The following SGIP1 variants were observed in gnomAD, a reference collection of about 807,000 sequenced individuals.
The protein encoded by SGIP1 is SH3GL interacting endocytic adaptor 1.
In SGIP1, 38 loss-of-function variants were observed where a neutral mutation model predicts 107.5. The ratio of observed to expected loss-of-function variants is 0.35; its 90% CI spans 0.27 to 0.46. The LOEUF is 0.46. SGIP1 is among the 20% of genes least tolerant of loss of function. SGIP1 has a pLI of 1.00. For synonymous variants in SGIP1, 365 were observed against 366.1 expected (o/e 1.00, Z 0.03); for missense variants, 929 against 1,019.5 (o/e 0.91, Z 1.21).
At position 66,682,355 on chromosome 1, in the gene SGIP1, C is replaced by G. The variant is rs139418191; in HGVS notation, c.1301C>G (p.Pro434Arg). The G allele has an allele frequency of 6.2e-7, 1 of 1,610,990 alleles. No homozygotes were observed. The highest frequency in any genetic ancestry group is 8.5e-7 in the Non-Finnish European group (1 of 1,179,126). The change falls in exon 15 of 25, where the codon CCG becomes CGG. Residue 434 changes from proline (P) to arginine (R), a missense_variant. Physicochemically the swap from Pro to Arg is moderately radical, Grantham distance 103. Coordinates refer to ENST00000371037, the MANE Select transcript of SGIP1 (RefSeq NM_032291.4). ...CCCGGACCTGGCTCGGGCCCTGGTC[C>G]GGGGACCACCAGTGGTATGTCTTAT... ...SSPGPGSGPG[P>R]GTTSGASSPA...
At chr1:66,701,896 A>G (rs180800494) in intron 18 of SGIP1, among the ~76,000 whole-genome samples, 2 of 152,230 alleles carry the variant, frequency 1.3e-5, no homozygotes, top group African/African-American at 2.4e-5. Flanking sequence ...TACAGAATTC[A>G]TGTTAGAATT....
intron 1 of SGIP1, among the ~76,000 whole-genome samples, chr1:66,580,234 A>G (rs1002366864): frequency 1.3e-5 from 2 of 152,138 alleles, no homozygotes; most frequent in Non-Finnish European, 2.9e-5. Flanking sequence ...GCAAGGCCCT[A>G]TATAACCTAA....
intron 1 of SGIP1, among the ~76,000 whole-genome samples, chr1:66,594,381 C>CT (rs1416242326): frequency 6.6e-6 from 1 of 152,124 alleles, no homozygotes; most frequent in Non-Finnish European, 1.5e-5. Context: ...GTAAATATAA[C>CT]TTTTTTTCAG....
intron 1 of SGIP1, among the ~76,000 whole-genome samples, chr1:66,563,898 T>C (rs966504184): frequency 2.0e-5 from 3 of 151,992 alleles, no homozygotes; most frequent in Admixed American, 6.6e-5. Flanking sequence ...TATCCCTTAC[T>C]GTTAGGGGCA....
At chr1:66,618,369 T>A (rs2069992112) in intron 1 of SGIP1, among the ~76,000 whole-genome samples, 1 of 152,192 alleles carries the variant, frequency 6.6e-6, no homozygotes, top group Non-Finnish European at 1.5e-5. Flanking sequence ...ACCAATGGAA[T>A]GTAGATTGCA....
At chr1:66,626,282 A>T (rs1451929419) in intron 2 of SGIP1, among the ~76,000 whole-genome samples, 2 of 152,028 alleles carry the variant, frequency 1.3e-5, no homozygotes, top group Non-Finnish European at 2.9e-5. Flanking sequence ...AGAAACAACA[A>T]AACACCTGTT....
chr1:66,556,490 C>T (rs1020566736), intron 1 of SGIP1, among the ~76,000 whole-genome samples: 16 of 152,102 alleles, frequency 1.1e-4, no homozygotes, highest in Admixed American at 3.9e-4. Flanking sequence ...CTCAACTTGA[C>T]GTAGGTTCAA....
chr1:66,654,644 T>A (rs1047989849), intron 7 of SGIP1, among the ~76,000 whole-genome samples: 2 of 152,118 alleles, frequency 1.3e-5, no homozygotes, highest in Non-Finnish European at 2.9e-5. Flanking sequence ...GAAAAAAAAA[T>A]CTTACAGTGT....
intron 1 of SGIP1, among the ~76,000 whole-genome samples, chr1:66,553,683 A>T (rs1450528662): frequency 6.6e-6 from 1 of 151,984 alleles, no homozygotes; most frequent in Non-Finnish European, 1.5e-5. Context: ...TCAAAAAAAA[A>T]AAAAAAATGA....
intron 1 of SGIP1, among the ~76,000 whole-genome samples, chr1:66,549,137 GCCTTCCTTCCTTCCTT>G (rs60834683): frequency 0.035 from 5,043 of 144,446 alleles, 240 homozygotes; most frequent in African/African-American, 0.11. Flanking sequence ...CTGGCTACCT[GCCTTCCTTCCTTCCTT>G]CCTTCCTTCC....
chr1:66,667,576 A>T (rs1193094001), intron 9 of SGIP1, 35 bp downstream of exon 9: 2 of 1,609,092 alleles, frequency 1.2e-6, no homozygotes, highest in Non-Finnish European at 1.7e-6. Context: ...TTAAACATGT[A>T]TAGAGAAAAT....
In SGIP1 at chr1:66,749,786, C is replaced by T. The variant is rs185892463; in HGVS notation, c.*6691C>T. Among the ~76,000 whole-genome samples the T allele has an allele frequency of 2.6e-5, 4 of 152,106 alleles. No individual in the cohort carries two copies. ...CGCAAAGTAAATGCTTGATGTTATTCATTCACCATCACTCTAAGGTATTTT... is the reference window on the plus strand; with the variant it reads ...CGCAAAGTAAATGCTTGATGTTATTTATTCACCATCACTCTAAGGTATTTT... On this transcript the variant is annotated 3_prime_UTR_variant, in exon 25 of 25. Transcript: ENST00000371037.
At chr1:66,643,974 C>T in intron 7 of SGIP1, 2 of 249,868 alleles carry the variant, frequency 8.0e-6, no homozygotes, top group Non-Finnish European at 1.5e-5. Context: ...TTCCTGCAAG[C>T]ATTTTAAAAA....
intron 7 of SGIP1, among the ~76,000 whole-genome samples, chr1:66,653,415 A>G (rs1046869605): frequency 5.9e-5 from 9 of 152,186 alleles, no homozygotes; most frequent in African/African-American, 2.2e-4. Flanking sequence ...AGCTGTATGA[A>G]TATTTAGTAT....
At chr1:66,731,360 C>G (rs1443862247) in intron 20 of SGIP1, among the ~76,000 whole-genome samples, 1 of 152,148 alleles carries the variant, frequency 6.6e-6, no homozygotes. Flanking sequence ...GTCATAGTTA[C>G]AGCTTTTGTT....
intron 1 of SGIP1, among the ~76,000 whole-genome samples, chr1:66,557,952 T>C (rs1386805555): frequency 6.6e-6 from 1 of 152,124 alleles, no homozygotes; most frequent in African/African-American, 2.4e-5. Flanking sequence ...CCTGTTTGCA[T>C]GTCAGTTTGC....
At chr1:66,703,523 G>GCA (rs138975824) in intron 18 of SGIP1, among the ~76,000 whole-genome samples, 2,692 of 146,738 alleles carry the variant, frequency 0.018, 68 homozygotes, top group African/African-American at 0.055. Flanking sequence ...ACATACATAT[G>GCA]CACACACACA....
chr1:66,698,744 G>A lies in SGIP1; in HGVS notation c.1630+3251G>A, dbSNP rs867017769. 7.4e-4 allele frequency among the ~76,000 whole-genome samples: 113 copies of A among 152,196 alleles called. No homozygotes were observed. The Middle Eastern group carries it at 0.01, about 14-fold the overall frequency. On this transcript the variant is annotated intron_variant, in intron 18 of 24. Coordinates refer to ENST00000371037, the MANE Select transcript of SGIP1 (RefSeq NM_032291.4). ...TATTGAAGCTATCAAGTATTCTGAG[G>A]TGGGAGGGCAAGATATTTTCATGAC...
chr1:66,615,116 C>T (rs554906389), intron 1 of SGIP1, among the ~76,000 whole-genome samples: 4 of 151,236 alleles, frequency 2.6e-5, no homozygotes, highest in East Asian at 1.9e-4. Flanking sequence ...CCTCTGCCCC[C>T]GGCCTTTTTT....
Sources: gnomAD v4.1 joint callset for allele counts (sites outside exome capture counted in the v4.1 genomes callset) on GRCh38, gnomAD v4.1.1 for gene constraint, MANE v1.5 for transcripts, NCBI Gene and HGNC (gene_info 2026-07-23, HGNC 2026-07-21) for gene names.